ERC2: variants seen among roughly 807,000 people sequenced by gnomAD.
ERC2 encodes the protein ELKS/RAB6-interacting/CAST family member 2, also known as ERC protein 2.
Under a neutral mutation model 114.8 loss-of-function variants are expected in ERC2, and 42 were observed. That is an observed-to-expected ratio of 0.37 (90% confidence interval 0.29 to 0.47). The LOEUF is 0.47. Among genes scored for constraint, ERC2 ranks in the 20% least tolerant of loss-of-function variants. The pLI, the probability that ERC2 is intolerant of heterozygous loss-of-function variation, is 0.99. For missense variants in ERC2, 939 were observed against 1,150.7 expected, an observed-to-expected ratio of 0.82 and a Z score of 2.66; for synonymous variants, 454 against 425.5, an observed-to-expected ratio of 1.07 and a Z score of -0.82.
chr3:55,902,948 T>A (rs2064223197), intron 13 of ERC2, among the ~76,000 whole-genome samples: 1 of 152,214 alleles, frequency 6.6e-6, no homozygotes. Flanking sequence ...TGTGCATAAT[T>A]TTCATGCTTA....
chr3:56,421,485 G>A (rs2061386065), intron 2 of ERC2, among the ~76,000 whole-genome samples: 1 of 152,210 alleles, frequency 6.6e-6, no homozygotes, highest in Non-Finnish European at 1.5e-5. Context: ...CTAGACCCAA[G>A]CTAGGTCAAT....
chr3:56,035,046 GA>G (rs1356280231), intron 7 of ERC2, among the ~76,000 whole-genome samples: 3 of 151,842 alleles, frequency 2.0e-5, no homozygotes, highest in Non-Finnish European at 4.4e-5. Context: ...TTTGCTTTTT[GA>G]AAAGATAAAC....
At chr3:55,927,002 A>C (rs2065791576) in intron 13 of ERC2, among the ~76,000 whole-genome samples, 1 of 152,144 alleles carries the variant, frequency 6.6e-6, no homozygotes, top group African/African-American at 2.4e-5. Flanking sequence ...GCCAGAAATA[A>C]AATTCAGATC....
intron 17 of ERC2, among the ~76,000 whole-genome samples, chr3:55,512,801 A>T (rs2052184449): frequency 6.6e-6 from 1 of 152,208 alleles, no homozygotes; most frequent in Non-Finnish European, 1.5e-5. Context: ...TATGCTGGAG[A>T]CAAGAGAATT....
intron 3 of ERC2, among the ~76,000 whole-genome samples, chr3:56,293,482 A>C (rs1322982663): frequency 6.6e-6 from 1 of 152,244 alleles, no homozygotes. Flanking sequence ...GTTTAACACC[A>C]GGATCATGAG....
chr3:55,571,571 C>G (rs1305962687), intron 17 of ERC2, among the ~76,000 whole-genome samples: 2 of 152,184 alleles, frequency 1.3e-5, no homozygotes, highest in African/African-American at 2.4e-5. Context: ...AACCTGCTCA[C>G]CCTGCCTTGC....
At chr3:56,461,051 G>A (rs193042257) in intron 1 of ERC2, among the ~76,000 whole-genome samples, 117 of 149,630 alleles carry the variant, frequency 7.8e-4, no homozygotes, top group Non-Finnish European at 1.5e-3. Context: ...TATGTCTTCA[G>A]GAACTTTTTA....
chr3:55,860,963 G>A (rs942457237), intron 14 of ERC2, among the ~76,000 whole-genome samples: 11 of 152,108 alleles, frequency 7.2e-5, no homozygotes, highest in East Asian at 1.9e-4. Flanking sequence ...AGTCTGCAAC[G>A]GGGGAAATCC....
chr3:55,755,963 T>C (rs912043683), intron 14 of ERC2, among the ~76,000 whole-genome samples: 42 of 152,178 alleles, frequency 2.8e-4, no homozygotes, highest in Non-Finnish European at 4.9e-4. Context: ...CTTGTGATTT[T>C]GCAAACAGCT....
At chr3:56,325,141 AT>A (rs1479591808) in intron 2 of ERC2, among the ~76,000 whole-genome samples, 1 of 151,772 alleles carries the variant, frequency 6.6e-6, no homozygotes, top group Admixed American at 6.6e-5. Flanking sequence ...GGATTTGACT[AT>A]TTGTTTAAAA....
intron 14 of ERC2, among the ~76,000 whole-genome samples, chr3:55,833,784 A>T (rs543132639): frequency 3.6e-4 from 55 of 152,118 alleles, no homozygotes; most frequent in South Asian, 1.5e-3. Flanking sequence ...GTAAATGGAC[A>T]AAATGCTCCA....
chr3:55,616,071 C>T (rs2148582326), intron 17 of ERC2, among the ~76,000 whole-genome samples: 1 of 152,296 alleles, frequency 6.6e-6, no homozygotes, highest in Non-Finnish European at 1.5e-5. Flanking sequence ...CCTTCCCAGG[C>T]CATCCTCCTG....
intron 14 of ERC2, among the ~76,000 whole-genome samples, chr3:55,796,277 C>T (rs764746147): frequency 1.6e-4 from 24 of 152,244 alleles, no homozygotes; most frequent in Non-Finnish European, 2.9e-4. Flanking sequence ...ATTGGGCCTT[C>T]GGTGGACTGC....
chr3:56,460,441 C>T (rs926388523), intron 1 of ERC2, among the ~76,000 whole-genome samples: 1 of 152,162 alleles, frequency 6.6e-6, no homozygotes, highest in South Asian at 2.1e-4. Context: ...GGGATACAGC[C>T]AAAGGCAAAG....
chr3:56,348,361 A>G (rs777017912), intron 2 of ERC2, among the ~76,000 whole-genome samples: 1 of 152,142 alleles, frequency 6.6e-6, no homozygotes, highest in African/African-American at 2.4e-5. Context: ...TGCATACTGC[A>G]ACTACATTCA....
chr3:56,036,606 T>A (rs572871494), intron 7 of ERC2, among the ~76,000 whole-genome samples: 1 of 152,262 alleles, frequency 6.6e-6, no homozygotes, highest in Non-Finnish European at 1.5e-5. Context: ...AGGCGGTTGG[T>A]GCAACCCATG....
At chr3:55,936,512 A>G (rs1356208356) in intron 13 of ERC2, among the ~76,000 whole-genome samples, 2 of 152,348 alleles carry the variant, frequency 1.3e-5, no homozygotes, top group East Asian at 3.9e-4. Context: ...ATAAAGAAAG[A>G]CAAGAACTAT....
chr3:55,883,968 T>C (rs1385104260), intron 14 of ERC2, among the ~76,000 whole-genome samples: 1 of 152,112 alleles, frequency 6.6e-6, no homozygotes, highest in Non-Finnish European at 1.5e-5. Context: ...TTAATAGATA[T>C]GTAAAACTGG....
intron 14 of ERC2, among the ~76,000 whole-genome samples, chr3:55,785,232 T>C (rs1162147401): frequency 3.9e-5 from 6 of 152,256 alleles, no homozygotes; most frequent in African/African-American, 1.4e-4. Flanking sequence ...AGTCTTTGTC[T>C]TAATCTTCCT....
Sources: gnomAD v4.1 joint callset for allele counts (sites outside exome capture counted in the v4.1 genomes callset) on GRCh38, gnomAD v4.1.1 for gene constraint, MANE v1.5 for transcripts, NCBI Gene and HGNC (gene_info 2026-07-23, HGNC 2026-07-21) for gene names.